The following XYLT1 variants were observed in gnomAD, a reference collection of about 807,000 sequenced individuals.
XYLT1 encodes beta-D-xylosyltransferase 1.
In XYLT1, 36 loss-of-function variants were observed where a neutral mutation model predicts 91.3. The observed-to-expected ratio is 0.39, with a 90% CI of 0.30 to 0.52. The LOEUF (loss-of-function observed/expected upper bound fraction) is 0.52, where lower values mean the gene tolerates loss of function less well. Among genes scored for constraint, XYLT1 ranks in the 20% least tolerant of loss-of-function variants. The pLI, the probability that XYLT1 is intolerant of heterozygous loss-of-function variation, is 0.68. For synonymous variants in XYLT1, 588 were observed against 532.0 expected, an observed-to-expected ratio of 1.11 and a Z score of -1.45; for missense variants, 1,242 against 1,284.5, an observed-to-expected ratio of 0.97 and a Z score of 0.51.
chr16:17,386,245 G>A (rs558417746), intron 1 of XYLT1, among the ~76,000 whole-genome samples: 1 of 152,232 alleles, frequency 6.6e-6, no homozygotes, highest in South Asian at 2.1e-4. Context: ...GAAGATGTTG[G>A]GCCGGGCACT....
chr16:17,286,805 C>T (rs2034147250), intron 2 of XYLT1, among the ~76,000 whole-genome samples: 1 of 152,168 alleles, frequency 6.6e-6, no homozygotes, highest in South Asian at 2.1e-4. Context: ...TTACACTGCT[C>T]TAAGCATCTC....
intron 2 of XYLT1, among the ~76,000 whole-genome samples, chr16:17,355,852 G>C (rs1415051670): frequency 6.6e-6 from 1 of 152,130 alleles, no homozygotes; most frequent in African/African-American, 2.4e-5. Flanking sequence ...TGGGATTACA[G>C]GCACATACTA....
chr16:17,289,253 A>C (rs138528961), intron 2 of XYLT1, among the ~76,000 whole-genome samples: 186 of 152,352 alleles, frequency 1.2e-3, no homozygotes, highest in East Asian at 0.012. Context: ...AAACAGGTGG[A>C]GGGCCAGATT....
intron 1 of XYLT1, among the ~76,000 whole-genome samples, chr16:17,433,721 G>A (rs1260958518): frequency 1.3e-5 from 2 of 152,202 alleles, no homozygotes; most frequent in East Asian, 1.9e-4. Context: ...GGGCTCCAGC[G>A]AGGGACTTAA....
intron 2 of XYLT1, among the ~76,000 whole-genome samples, chr16:17,290,029 A>T (rs780882964): frequency 6.6e-6 from 1 of 152,242 alleles, no homozygotes; most frequent in African/African-American, 2.4e-5. Flanking sequence ...CATTTTTTCC[A>T]TCTCTTTCTT....
At chr16:17,206,310 C>T (rs2032642885) in intron 3 of XYLT1, among the ~76,000 whole-genome samples, 1 of 151,818 alleles carries the variant, frequency 6.6e-6, no homozygotes, top group African/African-American at 2.4e-5. Context: ...TGCCTTTATC[C>T]TAGTGGGAAA....
intron 3 of XYLT1, among the ~76,000 whole-genome samples, chr16:17,251,974 G>A (rs953332084): frequency 3.3e-5 from 5 of 152,150 alleles, no homozygotes; most frequent in African/African-American, 1.2e-4. Context: ...CTGGGGCTGT[G>A]TCTGAAGAGC....
chr16:17,421,259 G>T (rs964594854), intron 1 of XYLT1, among the ~76,000 whole-genome samples: 5 of 152,146 alleles, frequency 3.3e-5, no homozygotes, highest in African/African-American at 1.2e-4. Context: ...TCACTACAAG[G>T]CTCCTGAAAA....
intron 1 of XYLT1, among the ~76,000 whole-genome samples, chr16:17,405,908 A>G (rs8054100): frequency 0.65 from 98,691 of 152,078 alleles, 33,197 homozygotes; most frequent in African/African-American, 0.74. Flanking sequence ...TATTCAGCTG[A>G]GACTGGTGAC....
intron 5 of XYLT1, among the ~76,000 whole-genome samples, chr16:17,187,376 A>G (rs2032207043): frequency 7.1e-6 from 1 of 140,468 alleles, no homozygotes; most frequent in African/African-American, 2.7e-5. Flanking sequence ...CCTGGGTGAC[A>G]GAGCAAGACT....
At chr16:17,212,183 G>T (rs985871358) in intron 3 of XYLT1, among the ~76,000 whole-genome samples, 1 of 152,234 alleles carries the variant, frequency 6.6e-6, no homozygotes, top group African/African-American at 2.4e-5. Flanking sequence ...AACTCTGGGT[G>T]TGGGAGACAA....
At chr16:17,396,567 T>A (rs931583507) in intron 1 of XYLT1, among the ~76,000 whole-genome samples, 1 of 152,008 alleles carries the variant, frequency 6.6e-6, no homozygotes, top group African/African-American at 2.4e-5. Flanking sequence ...GGTGTTAGGG[T>A]AGTACATAAA....
intron 1 of XYLT1, among the ~76,000 whole-genome samples, chr16:17,390,943 C>T (rs1324124560): frequency 6.6e-6 from 1 of 152,148 alleles, no homozygotes. Flanking sequence ...GAGGCTGAGG[C>T]AGGAGAATCG....
chr16:17,193,343 G>A (rs2032359924), intron 5 of XYLT1: 1 of 152,176 alleles, frequency 6.6e-6, no homozygotes, highest in African/African-American at 2.4e-5. Flanking sequence ...CTAATATTGT[G>A]TTTATTTTAA....
intron 5 of XYLT1, among the ~76,000 whole-genome samples, chr16:17,171,204 G>A (rs1157312359): frequency 3.3e-5 from 5 of 152,074 alleles, no homozygotes; most frequent in African/African-American, 7.2e-5. Context: ...GAATTCTCCA[G>A]GACTAGAGTC....
chr16:17,113,123 G>A (rs1045855192), intron 11 of XYLT1, among the ~76,000 whole-genome samples: 2 of 151,538 alleles, frequency 1.3e-5, no homozygotes, highest in Admixed American at 6.6e-5. Flanking sequence ...ACAGGCGTGA[G>A]CCACCGTGTC....
intron 2 of XYLT1, among the ~76,000 whole-genome samples, chr16:17,314,953 C>T (rs2034605105): frequency 6.6e-6 from 1 of 152,194 alleles, no homozygotes; most frequent in South Asian, 2.1e-4. Flanking sequence ...AGGTCAAATG[C>T]AGCCTGGTGG....
intron 2 of XYLT1, among the ~76,000 whole-genome samples, chr16:17,286,882 G>A (rs2034148771): frequency 6.6e-6 from 1 of 152,158 alleles, no homozygotes; most frequent in Non-Finnish European, 1.5e-5. Context: ...TTACAGATGA[G>A]GAAACTTACG....
At chr16:17,415,770 T>C (rs2036172577) in intron 1 of XYLT1, among the ~76,000 whole-genome samples, 1 of 152,118 alleles carries the variant, frequency 6.6e-6, no homozygotes, top group African/African-American at 2.4e-5. Flanking sequence ...AAGGAGAAGC[T>C]GCTGTGGTGA....
Sources: gnomAD v4.1 joint callset for allele counts (sites outside exome capture counted in the v4.1 genomes callset) on GRCh38, gnomAD v4.1.1 for gene constraint, MANE v1.5 for transcripts, NCBI Gene and HGNC (gene_info 2026-07-23, HGNC 2026-07-21) for gene names.